Variants in POLDIP3 observed in about 807,000 individuals in gnomAD.
POLDIP3 encodes DNA polymerase delta interacting protein 3, also known as polymerase delta-interacting protein 3.
A neutral mutation model predicts 45.1 loss-of-function variants in POLDIP3; 14 were observed. The ratio of observed to expected loss-of-function variants is 0.31; its 90% CI spans 0.20 to 0.49. POLDIP3 has a LOEUF of 0.49. Among genes scored for constraint, POLDIP3 ranks in the 20% least tolerant of loss-of-function variants. POLDIP3 has a pLI of 0.99. For missense variants in POLDIP3, 511 were observed against 538.8 expected (o/e 0.95, Z 0.51); for synonymous variants, 223 against 205.2 (o/e 1.09, Z -0.74).
At chr22:42,603,292 G>A in intron 1 of POLDIP3, 132 bp from the exon 2 acceptor site, 6 of 900,288 alleles carry the variant, frequency 6.7e-6, no homozygotes, top group Non-Finnish European at 1.0e-5. Flanking sequence ...GCCTGTGATT[G>A]AATAAACGAT....
At position 42,592,118 on chromosome 22, in the gene POLDIP3, G is replaced by C. The variant is rs759350642; in HGVS notation, c.892-34C>G. 55 of 1,612,780 alleles carry C rather than the reference G, an allele frequency of 3.4e-5. 1 individual carries two copies. In the Middle Eastern group the frequency reaches 1.7e-3, roughly 49 times the overall value. ...AACAAGAGGGGTTGGGATTGGGGAA[G>C]GATTTCTCAGCACCTGCCGCTCACA... On this transcript the variant is annotated intron_variant, in intron 6 of 8. Transcript: ENST00000252115.
At chr22:42,596,534 T>C (rs1406298350) in intron 4 of POLDIP3, among the ~76,000 whole-genome samples, 169 bp from the exon 5 acceptor site, 2 of 151,776 alleles carry the variant, frequency 1.3e-5, no homozygotes, top group East Asian at 1.9e-4. Context: ...TGACATCCCA[T>C]AGGGAAGGGG....
At chr22:42,596,500 G>A in intron 4 of POLDIP3, 135 bp from the exon 5 acceptor site, 4 of 882,764 alleles carry the variant, frequency 4.5e-6, no homozygotes, top group Non-Finnish European at 6.8e-6. Flanking sequence ...GAGGTCTGGA[G>A]CCAAAAAGGC....
intron 1 of POLDIP3, among the ~76,000 whole-genome samples, chr22:42,613,511 G>A (rs952098760): frequency 1.3e-5 from 2 of 152,198 alleles, no homozygotes; most frequent in African/African-American, 4.8e-5. Flanking sequence ...TGTAATCCCA[G>A]CACTTTAGGA....
chr22:42,610,989 G>A (rs1437605609), intron 1 of POLDIP3, among the ~76,000 whole-genome samples: 1 of 152,128 alleles, frequency 6.6e-6, no homozygotes, highest in African/African-American at 2.4e-5. Flanking sequence ...GACTCTCTAC[G>A]GATCTTTCAC....
intron 6 of POLDIP3, among the ~76,000 whole-genome samples, chr22:42,593,443 C>T (rs1163749740): frequency 6.6e-6 from 1 of 152,198 alleles, no homozygotes; most frequent in African/African-American, 2.4e-5. Context: ...ATGTATCTTC[C>T]AAGAGTCTGC....
intron 8 of POLDIP3, 22 bp downstream of exon 8, chr22:42,587,484 G>T: frequency 1.9e-6 from 3 of 1,606,426 alleles, no homozygotes; most frequent in Non-Finnish European, 2.6e-6. Context: ...CCTCTCCCCA[G>T]CACCCCGCCT....
intron 1 of POLDIP3, chr22:42,603,747 A>G (rs1460863259): frequency 3.3e-5 from 5 of 152,350 alleles, no homozygotes; most frequent in Admixed American, 2.0e-4. Context: ...CAGAAAACAC[A>G]AAGACTTGGT....
At chr22:42,594,215 C>T (rs558325853) in intron 6 of POLDIP3, among the ~76,000 whole-genome samples, 2 of 152,152 alleles carry the variant, frequency 1.3e-5, no homozygotes, top group Middle Eastern at 3.4e-3. Context: ...GAGCCAAGAT[C>T]GCACTACTGG....
chr22:42,596,208 G>A lies in POLDIP3; in HGVS notation c.791C>T (p.Pro264Leu), dbSNP rs376519401. Reference protein sequence around the residue: ...SRTLVNKEEPPKELPAAEPVL... With the variant: ...SRTLVNKEEPLKELPAAEPVL... ...CACCTCAGCAGCTGGCAGCTCTTTG[G>A]GGGGTTCTTCCTTGTTCACCAGTGT... Residue 264 changes from proline to leucine, a missense_variant, in exon 5 of 9, where the codon CCC (proline) becomes CTC (leucine). Coordinates refer to ENST00000252115, the MANE Select transcript of POLDIP3 (RefSeq NM_032311.5). The A allele has an allele frequency of 6.2e-7, 1 of 1,614,140 alleles. No individual in the cohort carries two copies. The highest frequency in any genetic ancestry group is 8.5e-7 in the Non-Finnish European group (1 of 1,180,036).
At chr22:42,604,291 G>A (rs1926586838) in intron 1 of POLDIP3, among the ~76,000 whole-genome samples, 1 of 152,096 alleles carries the variant, frequency 6.6e-6, no homozygotes, top group South Asian at 2.1e-4. Context: ...GGTGGGGCGG[G>A]GGGAGGAGAA....
At chr22:42,598,466 T>C (rs1341470783) in intron 4 of POLDIP3, among the ~76,000 whole-genome samples, 3 of 151,820 alleles carry the variant, frequency 2.0e-5, no homozygotes, top group African/African-American at 4.8e-5. Flanking sequence ...TTTGCCAGGA[T>C]GGTCTCGATC....
At chr22:42,604,123 T>G (rs1469694258) in intron 1 of POLDIP3, among the ~76,000 whole-genome samples, 1 of 152,042 alleles carries the variant, frequency 6.6e-6, no homozygotes, top group African/African-American at 2.4e-5. Flanking sequence ...CTCTCTACAA[T>G]AGCTACCCTC....
intron 1 of POLDIP3, among the ~76,000 whole-genome samples, chr22:42,612,080 T>G (rs1347697045): frequency 6.6e-6 from 1 of 152,116 alleles, no homozygotes; most frequent in East Asian, 1.9e-4. Context: ...TCCATGCTAG[T>G]CTCTCTGCCT....
chr22:42,596,076 TG>T (rs1174575788), intron 5 of POLDIP3, 109 bp downstream of exon 5: 3 of 1,216,154 alleles, frequency 2.5e-6, no homozygotes, highest in Non-Finnish European at 2.3e-6. Flanking sequence ...ATCTGTAGAA[TG>T]GGGGTGGCAA....
chr22:42,583,833 G>A lies in POLDIP3; in HGVS notation c.*1958C>T, dbSNP rs1268679188. 1 of 152,552 alleles carries A rather than the reference G, an allele frequency of 6.6e-6. No individual in the cohort carries two copies. The highest frequency in any genetic ancestry group is 6.6e-5 in the Admixed American group (1 of 15,256). The allele number at this position is 152,552 out of a possible 1,614,324, so 9.4% of individuals were successfully genotyped here. A position where few individuals can be genotyped will look rare whatever the true frequency, so the allele number is the denominator to read the frequency against. On this transcript the variant is annotated 3_prime_UTR_variant, in exon 9 of 9. Coordinates refer to ENST00000252115, the MANE Select transcript of POLDIP3 (RefSeq NM_032311.5). ...GGAGACACAGATGGGTAACATAGAG[G>A]CATGGGAAGTGGAGGAGGACACAGG...
Position 42,585,904 on chromosome 22 carries a change from A to C in POLDIP3, c.1153T>G (p.Ser385Ala), listed in dbSNP as rs199622002. ...ACTTCGGCAGGGGGGTTGGAGGAGG[A>C]GGCAGAGTTCACCCTGCGAGGCAGC... ...SELPRRVNSASSSNPPAEVDP... is the reference protein window; with the variant it reads ...SELPRRVNSAASSNPPAEVDP... The change falls in exon 9 of 9, where the codon TCC becomes GCC. Residue 385 changes from serine (S) to alanine (A), a missense_variant. Ser to Ala is a moderately conservative substitution (Grantham distance 99). This residue lies in a region of POLDIP3 where 45 missense variants were observed against 34.3 expected (regional missense o/e 1.31). Coordinates refer to ENST00000252115, the MANE Select transcript of POLDIP3 (RefSeq NM_032311.5). The C allele has an allele frequency of 2.3e-5, 37 of 1,613,320 alleles. No individual in the cohort carries two copies. Among genetic ancestry groups the C allele is most frequent in the East Asian group, 2.2e-5 (1 of 44,890 alleles).
chr22:42,609,888 C>A (rs924114959), intron 1 of POLDIP3, among the ~76,000 whole-genome samples: 1 of 152,112 alleles, frequency 6.6e-6, no homozygotes, highest in African/African-American at 2.4e-5. Context: ...AATACTATCC[C>A]CTGCTGGGCG....
intron 4 of POLDIP3, among the ~76,000 whole-genome samples, chr22:42,598,013 G>A (rs570532446): frequency 6.6e-6 from 1 of 151,974 alleles, no homozygotes; most frequent in East Asian, 1.9e-4. Flanking sequence ...CCTGACCTCA[G>A]GTAATCTGCC....
Sources: gnomAD v4.1 joint callset for allele counts (sites outside exome capture counted in the v4.1 genomes callset) on GRCh38, gnomAD v4.1.1 for gene constraint, gnomAD v4.1.1 regional missense constraint, MANE v1.5 for transcripts, NCBI Gene and HGNC (gene_info 2026-07-23, HGNC 2026-07-21) for gene names.